Variants in EOGT observed in about 807,000 individuals in gnomAD.
EOGT encodes the protein EGF domain specific O-linked N-acetylglucosamine transferase.
A neutral mutation model predicts 70.5 loss-of-function variants in EOGT; 55 were observed. The ratio of observed to expected loss-of-function variants is 0.78; its 90% CI spans 0.63 to 0.98. The LOEUF (loss-of-function observed/expected upper bound fraction) is 0.98, where lower values mean the gene tolerates loss of function less well. Among genes scored for constraint, EOGT ranks in the 50% least tolerant of loss-of-function variants. The pLI is 0.00. For synonymous variants in EOGT, 246 were observed against 217.1 expected (o/e 1.13, Z -1.17); for missense variants, 703 against 641.9 (o/e 1.10, Z -1.03).
In EOGT at chr3:69,007,755, C is replaced by T. The variant is rs1423933953; in HGVS notation, c.378G>A (p.Glu126=). ...AGAGCACATGCATCTCCTCCAGCCT[C>T]TCTCTGGCATATCCAAAGTCAGCTT... is the stretch of plus-strand genomic sequence containing the variant. ...WKQADFGYAR[E]RLEEMHVLCQ... Residue 126 remains glutamate (E), a synonymous_variant, in exon 6 of 18, where the codon GAG becomes GAA. Transcript: ENST00000383701. The T allele has an allele frequency of 6.2e-7, 1 of 1,613,498 alleles. No individual in the cohort carries two copies. The highest frequency in any genetic ancestry group is 8.5e-7 in the Non-Finnish European group (1 of 1,179,594).
At position 68,977,669 on chromosome 3, in the gene EOGT, G is replaced by A. The variant is rs916358461; in HGVS notation, c.1533C>T (p.His511=). Residue 511 remains histidine, a synonymous_variant, in exon 18 of 18, where the codon CAC becomes CAT. Transcript: ENST00000383701. ...ATGGCCACTTTGGGTGTTGCAATACGTGGTCTGCAGCCTGAAGGACAAGAT... is the reference window on the plus strand; with the variant it reads ...ATGGCCACTTTGGGTGTTGCAATACATGGTCTGCAGCCTGAAGGACAAGAT... ...FMYLVLQAAD[H]VLQHPKWPFK... 1.2e-5 allele frequency: 19 copies of A among 1,613,702 alleles called. No individual in the cohort carries two copies. Among genetic ancestry groups the A allele is most frequent in the African/African-American group, 2.7e-5 (2 of 74,868 alleles).
chr3:69,002,693 C>A (rs530653913), intron 8 of EOGT, among the ~76,000 whole-genome samples: 1 of 150,314 alleles, frequency 6.7e-6, no homozygotes, highest in Non-Finnish European at 1.5e-5. Context: ...CTTGATCCAT[C>A]GCCCAGGCTG....
At chr3:68,981,473 G>A (rs1372424845) in intron 15 of EOGT, among the ~76,000 whole-genome samples, 1 of 152,222 alleles carries the variant, frequency 6.6e-6, no homozygotes, top group Non-Finnish European at 1.5e-5. Flanking sequence ...CACAGTGTTA[G>A]ATTTGGGAAA....
At chr3:69,008,198 G>A (rs2091486316) in intron 5 of EOGT, among the ~76,000 whole-genome samples, 1 of 152,082 alleles carries the variant, frequency 6.6e-6, no homozygotes, top group African/African-American at 2.4e-5. Context: ...CTATACACTG[G>A]GGGAAAAAAT....
At chr3:68,982,280 GA>G (rs1230489051) in intron 15 of EOGT, among the ~76,000 whole-genome samples, 1 of 152,128 alleles carries the variant, frequency 6.6e-6, no homozygotes, top group Non-Finnish European at 1.5e-5. Flanking sequence ...AGCACTTTGG[GA>G]GGCAGAGGCG....
intron 14 of EOGT, 126 bp from the exon 15 acceptor site, chr3:68,982,998 C>A (rs973300293): frequency 7.3e-6 from 4 of 546,366 alleles, no homozygotes; most frequent in Admixed American, 3.4e-5. Flanking sequence ...TTGGTAACAA[C>A]AACAACAAAT....
intron 10 of EOGT, among the ~76,000 whole-genome samples, chr3:68,992,049 G>A (rs1426116220): frequency 6.6e-6 from 1 of 152,130 alleles, no homozygotes; most frequent in Non-Finnish European, 1.5e-5. Context: ...GGAATTCTGG[G>A]AGATGCAATT....
chr3:69,009,815 A>C lies in EOGT; in HGVS notation c.32T>G (p.Leu11Arg), dbSNP rs2091528645. MLMLFVFGVL[L>R]HEVSLSGQNE... ...CTGACCACTCAGTGAGACTTCATGA[A>C]GTAAGACTCCAAAGACAAACAACAT... is the stretch of plus-strand genomic sequence containing the variant. The change falls in exon 4 of 18, where the codon CTT (leucine) becomes CGT (arginine). Residue 11 changes from leucine to arginine, a missense_variant. Coordinates refer to ENST00000383701, the MANE Select transcript of EOGT (RefSeq NM_001278689.2). 1.2e-6 allele frequency: 2 copies of C among 1,614,020 alleles called. No individual in the cohort carries two copies. The highest frequency in any genetic ancestry group is 1.1e-5 in the South Asian group (1 of 91,074).
chr3:69,004,402 T>G lies in EOGT; in HGVS notation c.596A>C (p.Gln199Pro). ...CCATGACTGCAGAGGGCTTTTGCGC[T>G]GACCTTCAGACGTCAATGTACGGAT... ...LDIRTLTSEG[Q>P]RKSPLQSWFA... The change falls in exon 8 of 18, where the codon CAG becomes CCG. Residue 199 changes from glutamine to proline, a missense_variant. Transcript: ENST00000383701. The G allele has an allele frequency of 6.2e-7, 1 of 1,614,028 alleles. No homozygotes were observed. The highest frequency in any genetic ancestry group is 8.5e-7 in the Non-Finnish European group (1 of 1,179,890).
chr3:68,989,094 C>G (rs571004607), intron 10 of EOGT, 77 bp from the exon 11 acceptor site: 71 of 761,294 alleles, frequency 9.3e-5, no homozygotes, highest in Non-Finnish European at 1.1e-4. Context: ...AACAAAATAC[C>G]TGAATTTGCC....
At chr3:68,980,018 G>A (rs2090592058) in intron 15 of EOGT, among the ~76,000 whole-genome samples, 1 of 152,130 alleles carries the variant, frequency 6.6e-6, no homozygotes, top group Non-Finnish European at 1.5e-5. Context: ...TTAGGTTTAA[G>A]TACTTTTTTT....
intron 14 of EOGT, among the ~76,000 whole-genome samples, chr3:68,984,184 G>A (rs1231668334): frequency 1.3e-5 from 2 of 151,170 alleles, no homozygotes; most frequent in African/African-American, 4.9e-5. Context: ...AACAAGCAGT[G>A]ACCAACATTT....
chr3:68,990,236 T>C (rs746421114), intron 10 of EOGT, among the ~76,000 whole-genome samples: 4 of 152,138 alleles, frequency 2.6e-5, no homozygotes, highest in African/African-American at 2.4e-5. Flanking sequence ...TTTGCCTACA[T>C]TGCGAAGCAG....
At chr3:69,010,348 T>G (rs1053253886) in intron 3 of EOGT, among the ~76,000 whole-genome samples, 4 of 152,224 alleles carry the variant, frequency 2.6e-5, no homozygotes, top group Non-Finnish European at 4.4e-5. Flanking sequence ...TGTGTTCCAA[T>G]AAAACTTTTT....
chr3:68,983,042 T>C (rs1350649970), intron 14 of EOGT, among the ~76,000 whole-genome samples, 170 bp from the exon 15 acceptor site: 2 of 152,204 alleles, frequency 1.3e-5, no homozygotes, highest in Non-Finnish European at 2.9e-5. Context: ...TTCAGGTCAA[T>C]AGTTCTGAAC....
At position 68,976,046 on chromosome 3, in the gene EOGT, G is replaced by A. The variant is rs1422886728; in HGVS notation, c.*1572C>T. On this transcript the variant is annotated 3_prime_UTR_variant, in exon 18 of 18. Transcript: ENST00000383701. The stretch of plus-strand genomic sequence containing the variant: ...ACATTGTGCAGTAAAATAAATCCAT[G>A]GTTTCTGACTACTAAATTGAAAGTT... 6.6e-6 allele frequency: 1 copy of A among 152,124 alleles called. No homozygotes were observed. Among genetic ancestry groups the A allele is most frequent in the Non-Finnish European group, 1.5e-5 (1 of 68,022 alleles). The allele number at this position is 152,124 out of a possible 1,614,324, so 9.4% of individuals were successfully genotyped here. A position where few individuals can be genotyped will look rare whatever the true frequency, so the allele number is the denominator to read the frequency against.
Position 68,980,469 on chromosome 3 carries a change from A to T in EOGT, c.1215-682T>A, listed in dbSNP as rs140269291. ...ACCAGTGTGTAAACTTTGAACCAAAAATCAGTCCCCAAACAATTCACTGAG... is the reference window on the plus strand; with the variant it reads ...ACCAGTGTGTAAACTTTGAACCAAATATCAGTCCCCAAACAATTCACTGAG... On this transcript the variant is annotated intron_variant, in intron 15 of 17. Transcript: ENST00000383701. Among the ~76,000 whole-genome samples, 10 of 152,338 alleles carry T rather than the reference A, an allele frequency of 6.6e-5. No individual in the cohort carries two copies. In the East Asian group the frequency reaches 1.9e-3, roughly 29 times the overall value.
At chr3:69,009,482 A>C (rs2091515772) in intron 4 of EOGT, among the ~76,000 whole-genome samples, 155 bp downstream of exon 4, 1 of 152,210 alleles carries the variant, frequency 6.6e-6, no homozygotes, top group African/African-American at 2.4e-5. Context: ...TAAGCAGTTT[A>C]GTCACTTAGA....
chr3:68,979,742 G>A lies in EOGT; in HGVS notation c.1260C>T (p.Asp420=). The change falls in exon 16 of 18, where the codon GAC becomes GAT. Residue 420 remains aspartate, a synonymous_variant. Transcript: ENST00000383701. ...CAGCTCCATGCATTCCAATAAATAT[G>A]TCCGTGTTGTGTGTGATCCTTAGTT... is the stretch of plus-strand genomic sequence containing the variant. ...LDQLRITHNT[D]IFIGMHGAGL... 6 of 1,613,482 alleles carry A rather than the reference G, an allele frequency of 3.7e-6. No individual in the cohort carries two copies. Among genetic ancestry groups the A allele is most frequent in the Non-Finnish European group, 5.1e-6 (6 of 1,179,494 alleles).
Sources: gnomAD v4.1 joint callset for allele counts (sites outside exome capture counted in the v4.1 genomes callset) on GRCh38, gnomAD v4.1.1 for gene constraint, MANE v1.5 for transcripts, NCBI Gene and HGNC (gene_info 2026-07-23, HGNC 2026-07-21) for gene names.